SEMA3A: variants seen among roughly 807,000 people sequenced by gnomAD.
The protein encoded by SEMA3A is semaphorin-3A.
A neutral mutation model predicts 97.9 loss-of-function variants in SEMA3A; 29 were observed. The observed-to-expected ratio is 0.30, with a 90% CI of 0.22 to 0.40. The LOEUF (loss-of-function observed/expected upper bound fraction) is 0.40, where lower values mean the gene tolerates loss of function less well. Among genes scored for constraint, SEMA3A ranks in the 10% least tolerant of loss-of-function variants. SEMA3A has a pLI of 1.00. For missense variants in SEMA3A, 763 were observed against 951.3 expected, an observed-to-expected ratio of 0.80 and a Z score of 2.60; for synonymous variants, 321 against 323.7, an observed-to-expected ratio of 0.99 and a Z score of 0.09.
intron 1 of SEMA3A, among the ~76,000 whole-genome samples, chr7:84,144,184 G>A (rs1006713949): frequency 6.6e-6 from 1 of 151,894 alleles, no homozygotes; most frequent in South Asian, 2.1e-4. Context: ...AATAAAGTGA[G>A]GTGTGTTCAC....
intron 3 of SEMA3A, among the ~76,000 whole-genome samples, chr7:84,200,244 A>T (rs779230459): frequency 1.2e-4 from 18 of 152,148 alleles, no homozygotes; most frequent in Non-Finnish European, 2.4e-4. Flanking sequence ...CTCAGAACAT[A>T]AAAATATTCC....
At chr7:84,149,151 C>T (rs1322336552) in intron 1 of SEMA3A, among the ~76,000 whole-genome samples, 2 of 152,160 alleles carry the variant, frequency 1.3e-5, no homozygotes, top group African/African-American at 4.8e-5. Context: ...ATATCCAGCT[C>T]TCCCCAAGTA....
rs7794749 is a variant in SEMA3A, at chr7:84,383,660, G to C, written c.-245-11760C>G. ...AACAGATTGCCATCCAAATTTCTGT[G>C]GTGTAAAAGGTATTTTAACCAGTTC... On this transcript the variant is annotated intron_variant, in intron 1 of 3. Transcript: ENST00000424555. 2.0e-3 allele frequency among the ~76,000 whole-genome samples: 301 copies of C among 152,174 alleles called. 1 individual carries two copies. Among genetic ancestry groups the C allele is most frequent in the African/African-American group, 6.9e-3 (288 of 41,528 alleles).
At chr7:84,269,222 T>C (rs1205315662) in intron 3 of SEMA3A, among the ~76,000 whole-genome samples, 1 of 152,138 alleles carries the variant, frequency 6.6e-6, no homozygotes, top group Non-Finnish European at 1.5e-5. Flanking sequence ...GTTCCTTCCA[T>C]AGTTTATCTG....
intron 1 of SEMA3A, among the ~76,000 whole-genome samples, chr7:84,144,426 A>C (rs1256260270): frequency 6.6e-6 from 1 of 152,124 alleles, no homozygotes; most frequent in African/African-American, 2.4e-5. Context: ...TTTGAAAGAG[A>C]TGAATTCATT....
intron 1 of SEMA3A, among the ~76,000 whole-genome samples, chr7:84,450,669 T>C (rs1805531792): frequency 6.6e-6 from 1 of 152,164 alleles, no homozygotes; most frequent in African/African-American, 2.4e-5. Flanking sequence ...TGTGGGAGGG[T>C]TCTGTCTCAT....
intron 4 of SEMA3A, among the ~76,000 whole-genome samples, chr7:84,075,317 G>T (rs1793904286): frequency 6.6e-6 from 1 of 151,372 alleles, no homozygotes; most frequent in African/African-American, 2.4e-5. Context: ...GGGATTACAG[G>T]CACCTGCCAC....
chr7:84,037,653 T>C (rs1167283345), intron 6 of SEMA3A, among the ~76,000 whole-genome samples: 2 of 152,106 alleles, frequency 1.3e-5, no homozygotes, highest in Non-Finnish European at 2.9e-5. Flanking sequence ...AGCAAAGTAA[T>C]AAAAACCATA....
intron 3 of SEMA3A, among the ~76,000 whole-genome samples, chr7:84,128,570 A>T (rs1169266143): frequency 6.6e-6 from 1 of 152,180 alleles, no homozygotes; most frequent in African/African-American, 2.4e-5. Context: ...TCTTATTTTT[A>T]CATACATTCT....
In SEMA3A at chr7:83,961,366, G is replaced by A. The variant is rs1391831789; in HGVS notation, c.*5C>T. On this transcript the variant is annotated 3_prime_UTR_variant, in exon 17 of 17. Transcript: ENST00000265362. Reference sequence around the variant, plus strand: ...CTTGTTTGAGGTTTCTAGAGGTAATGCAGCTCAGACACTCCTGGGTGCCCT... The same window carrying A: ...CTTGTTTGAGGTTTCTAGAGGTAATACAGCTCAGACACTCCTGGGTGCCCT... The A allele has an allele frequency of 1.9e-6, 3 of 1,611,560 alleles. No homozygotes were observed. Among genetic ancestry groups the A allele is most frequent in the Admixed American group, 3.3e-5 (2 of 60,000 alleles).
rs1030511223 is a variant in SEMA3A at position 84,086,601 on chromosome 7, T to C, written c.453+23869A>G. Among the ~76,000 whole-genome samples the C allele has an allele frequency of 8.5e-5, 12 of 140,590 alleles. No individual in the cohort carries two copies. The South Asian group carries it at 1.7e-3, about 20-fold the overall frequency. 92.2% of individuals were successfully genotyped at this position (140,590 alleles called of 152,430 possible). Reference sequence around the variant, plus strand: ...ATATAATATATTATTATATTATATTTATAATCCTCACAATTCTCACAAAAA... The same window carrying C: ...ATATAATATATTATTATATTATATTCATAATCCTCACAATTCTCACAAAAA... On this transcript the variant is annotated intron_variant, in intron 4 of 16. Coordinates refer to ENST00000265362, the MANE Select transcript of SEMA3A (RefSeq NM_006080.3).
intron 1 of SEMA3A, among the ~76,000 whole-genome samples, chr7:84,401,806 A>G (rs1803912075): frequency 6.6e-6 from 1 of 152,188 alleles, no homozygotes; most frequent in Non-Finnish European, 1.5e-5. Context: ...GGATATCCAT[A>G]TGCAGACAAA....
chr7:84,406,115 T>A (rs1214889585), intron 1 of SEMA3A, among the ~76,000 whole-genome samples: 1 of 151,998 alleles, frequency 6.6e-6, no homozygotes, highest in Non-Finnish European at 1.5e-5. Flanking sequence ...CAGGAGCTGG[T>A]TTTTTGAAAA....
intron 3 of SEMA3A, among the ~76,000 whole-genome samples, chr7:84,293,895 T>C (rs1165266247): frequency 6.6e-6 from 1 of 152,034 alleles, no homozygotes; most frequent in Non-Finnish European, 1.5e-5. Flanking sequence ...TACTTATATA[T>C]CATACACATT....
intron 12 of SEMA3A, among the ~76,000 whole-genome samples, chr7:83,992,877 G>A (rs1444513641): frequency 1.3e-5 from 2 of 151,832 alleles, no homozygotes; most frequent in African/African-American, 4.8e-5. Flanking sequence ...TATCCTTGTT[G>A]ACTTTCAGTC....
chr7:84,411,580 T>C (rs1804269196), intron 1 of SEMA3A, among the ~76,000 whole-genome samples: 1 of 150,964 alleles, frequency 6.6e-6, no homozygotes, highest in African/African-American at 2.4e-5. Flanking sequence ...TATATATATA[T>C]ATTCATATTC....
At chr7:84,362,511 T>C (rs1802751048) in intron 2 of SEMA3A, among the ~76,000 whole-genome samples, 1 of 152,030 alleles carries the variant, frequency 6.6e-6, no homozygotes, top group Non-Finnish European at 1.5e-5. Context: ...TAACAATGAA[T>C]GACGGTGAGC....
At chr7:83,980,603 C>CAAAAA (rs749889921) in intron 14 of SEMA3A, among the ~76,000 whole-genome samples, 21 of 53,950 alleles carry the variant, frequency 3.9e-4, no homozygotes, top group African/African-American at 9.4e-4. Context: ...GACTCCATCT[C>CAAAAA]AAAAAAAAAA....
chr7:84,492,549 T>C (rs911686555), exon 1 of SEMA3A: 2 of 152,124 alleles, frequency 1.3e-5, no homozygotes, highest in African/African-American at 4.8e-5. Context: ...TAGGGATAAA[T>C]GTGAGCAGCA....
Sources: allele counts gnomAD v4.1 joint callset (sites outside exome capture counted in the v4.1 genomes callset), GRCh38; gene constraint gnomAD v4.1.1; transcripts MANE v1.5; gene names NCBI Gene and HGNC (gene_info 2026-07-23, HGNC 2026-07-21).